The following VWC2L variants were observed in gnomAD, a reference collection of about 807,000 sequenced individuals.
VWC2L encodes von Willebrand factor C domain-containing protein 2-like.
VWC2L carries 10 observed loss-of-function variants against 21.6 expected under a neutral mutation model. The observed-to-expected ratio is 0.46, with a 90% CI of 0.29 to 0.78. The LOEUF (loss-of-function observed/expected upper bound fraction) is 0.78, where lower values mean the gene tolerates loss of function less well. VWC2L is among the 30% of genes least tolerant of loss of function. VWC2L has a pLI of 0.10. For synonymous variants in VWC2L, 96 were observed against 94.3 expected (o/e 1.02, Z -0.10); for missense variants, 209 against 277.1 (o/e 0.75, Z 1.74).
intron 3 of VWC2L, among the ~76,000 whole-genome samples, chr2:214,558,266 C>T (rs749570660): frequency 2.7e-4 from 41 of 152,226 alleles, no homozygotes; most frequent in Non-Finnish European, 4.7e-4. Context: ...TCGTCCTAGG[C>T]CCTCTTTCTT....
intron 3 of VWC2L, among the ~76,000 whole-genome samples, chr2:214,478,152 G>A (rs1688551758): frequency 6.6e-6 from 1 of 152,200 alleles, no homozygotes; most frequent in Admixed American, 6.5e-5. Flanking sequence ...GAACAGGTGA[G>A]AAGGTGTGGT....
rs141342013 is a variant in VWC2L, at chr2:214,546,908, A to G, written c.521-28764A>G. On this transcript the variant is annotated intron_variant, in intron 3 of 3. Coordinates refer to ENST00000312504, the MANE Select transcript of VWC2L (RefSeq NM_001080500.4). Reference sequence around the variant, plus strand: ...AATTTTAATACTAAGGACAAAACCTACTTTCAGCAGTACTGTTGAAATAAA... The same window carrying G: ...AATTTTAATACTAAGGACAAAACCTGCTTTCAGCAGTACTGTTGAAATAAA... Among the ~76,000 whole-genome samples the G allele has an allele frequency of 1.4e-4, 21 of 152,260 alleles. No homozygotes were observed. In the East Asian group the frequency reaches 4.1e-3, roughly 29 times the overall value.
intron 3 of VWC2L, among the ~76,000 whole-genome samples, chr2:214,537,829 A>G (rs879580758): frequency 6.6e-6 from 1 of 151,844 alleles, no homozygotes; most frequent in Non-Finnish European, 1.5e-5. Context: ...TTATTAGTGA[A>G]CCCATTAAGC....
rs572249135 is a variant in VWC2L, at chr2:214,548,034, G to A, written c.521-27638G>A. 2.6e-5 allele frequency among the ~76,000 whole-genome samples: 4 copies of A among 152,320 alleles called. No homozygotes were observed. In the South Asian group the frequency reaches 8.3e-4, roughly 32 times the overall value. On this transcript the variant is annotated intron_variant, in intron 3 of 3. Transcript: ENST00000312504. ...TTAGGTTTCACACTGAGTCATGCAAGCTAATGTGAATTCTGCCTTCTTCCG... is the reference window on the plus strand; with the variant it reads ...TTAGGTTTCACACTGAGTCATGCAAACTAATGTGAATTCTGCCTTCTTCCG...
intron 3 of VWC2L, among the ~76,000 whole-genome samples, chr2:214,459,066 T>C (rs1391592531): frequency 2.0e-5 from 3 of 152,174 alleles, no homozygotes; most frequent in Non-Finnish European, 4.4e-5. Context: ...TTAGATCTAG[T>C]AATATTACTT....
intron 3 of VWC2L, among the ~76,000 whole-genome samples, chr2:214,495,645 C>T (rs1472210680): frequency 1.3e-5 from 2 of 152,012 alleles, no homozygotes; most frequent in East Asian, 1.9e-4. Context: ...TATATTTCTA[C>T]CAAAATATTC....
chr2:214,540,457 C>A (rs1441915353), intron 3 of VWC2L, among the ~76,000 whole-genome samples: 1 of 152,160 alleles, frequency 6.6e-6, no homozygotes, highest in Non-Finnish European at 1.5e-5. Flanking sequence ...CTGTGCAATG[C>A]TGCTTGAAAA....
chr2:214,480,388 T>C (rs1688585896), intron 3 of VWC2L, among the ~76,000 whole-genome samples: 2 of 152,214 alleles, frequency 1.3e-5, no homozygotes, highest in Admixed American at 1.3e-4. Flanking sequence ...TATTGGAAGA[T>C]GAATGGACAA....
intron 3 of VWC2L, among the ~76,000 whole-genome samples, chr2:214,465,101 G>T (rs1703196820): frequency 6.6e-6 from 1 of 152,076 alleles, no homozygotes; most frequent in African/African-American, 2.4e-5. Flanking sequence ...TGGAATCAGG[G>T]ACCCCAGGAA....
chr2:214,442,285 G>A (rs531377281), intron 3 of VWC2L, among the ~76,000 whole-genome samples: 43 of 152,260 alleles, frequency 2.8e-4, no homozygotes, highest in Non-Finnish European at 4.7e-4. Flanking sequence ...ATAATAGAAT[G>A]TTAATAATGA....
intron 3 of VWC2L, among the ~76,000 whole-genome samples, chr2:214,472,422 ATTTT>A (rs755449130): frequency 2.0e-5 from 3 of 152,336 alleles, no homozygotes; most frequent in Non-Finnish European, 2.9e-5. Flanking sequence ...TCATAGAAAT[ATTTT>A]TTTAAAATGT....
intron 3 of VWC2L, among the ~76,000 whole-genome samples, chr2:214,543,316 T>C (rs982840917): frequency 1.3e-5 from 2 of 152,208 alleles, no homozygotes; most frequent in Non-Finnish European, 2.9e-5. Context: ...CCTTTAAATA[T>C]ATTTGGTTTA....
chr2:214,465,616 C>A (rs989227551), intron 3 of VWC2L, among the ~76,000 whole-genome samples: 1 of 152,248 alleles, frequency 6.6e-6, no homozygotes, highest in African/African-American at 2.4e-5. Flanking sequence ...TTCTTGGCCA[C>A]ACTGGCCTGT....
At chr2:214,483,541 CTT>C (rs1307674470) in intron 3 of VWC2L, among the ~76,000 whole-genome samples, 2 of 152,070 alleles carry the variant, frequency 1.3e-5, no homozygotes, top group Non-Finnish European at 2.9e-5. Context: ...AATCTGTTCT[CTT>C]TTATCAATTA....
At chr2:214,446,413 GA>G (rs1220285601) in intron 3 of VWC2L, among the ~76,000 whole-genome samples, 4 of 152,202 alleles carry the variant, frequency 2.6e-5, no homozygotes, top group Admixed American at 2.0e-4. Flanking sequence ...TCCAAAATAT[GA>G]AAGAAAATAT....
chr2:214,442,582 C>A (rs1029374758), intron 3 of VWC2L, among the ~76,000 whole-genome samples: 1 of 152,020 alleles, frequency 6.6e-6, no homozygotes, highest in Non-Finnish European at 1.5e-5. Context: ...AAGTAAGAAT[C>A]TAGAAGCAGA....
chr2:214,569,588 AAT>A (rs1247749171), intron 3 of VWC2L, among the ~76,000 whole-genome samples: 4 of 152,192 alleles, frequency 2.6e-5, no homozygotes, highest in African/African-American at 9.7e-5. Flanking sequence ...CTCGCAAGCC[AAT>A]ATGAGGCACC....
chr2:214,496,722 T>C (rs1688818484), intron 3 of VWC2L, among the ~76,000 whole-genome samples: 1 of 152,210 alleles, frequency 6.6e-6, no homozygotes. Flanking sequence ...TAATTAAATG[T>C]TGCTTTAATT....
At chr2:214,501,680 C>CCA (rs1202501957) in intron 3 of VWC2L, among the ~76,000 whole-genome samples, 1 of 149,614 alleles carries the variant, frequency 6.7e-6, no homozygotes, top group Non-Finnish European at 1.5e-5. Context: ...TGAGATCATG[C>CCA]CTCTGCGCTC....
Sources: allele counts gnomAD v4.1 joint callset (sites outside exome capture counted in the v4.1 genomes callset), GRCh38; gene constraint gnomAD v4.1.1; transcripts MANE v1.5; gene names NCBI Gene and HGNC (gene_info 2026-07-23, HGNC 2026-07-21).